SCAMP4: variants seen among roughly 807,000 people sequenced by gnomAD.
SCAMP4 encodes secretory carrier-associated membrane protein 4.
A neutral mutation model predicts 32.1 loss-of-function variants in SCAMP4; 19 were observed. That is an observed-to-expected ratio of 0.59 (90% CI 0.41 to 0.87). SCAMP4 has a LOEUF of 0.87. Among genes scored for constraint, SCAMP4 ranks in the 40% least tolerant of loss-of-function variants. The pLI is 0.00. For synonymous variants in SCAMP4, 152 were observed against 132.7 expected, an observed-to-expected ratio of 1.15 and a Z score of -1.00; for missense variants, 302 against 309.0, an observed-to-expected ratio of 0.98 and a Z score of 0.17.
chr19:1,912,516 G>A (rs1419426750), intron 1 of SCAMP4: 2 of 1,494,658 alleles, frequency 1.3e-6, no homozygotes, highest in African/African-American at 2.9e-5. Context: ...CCAGTTCGAG[G>A]AGGCCCGGGC....
chr19:1,918,078 G>A (rs377060107), intron 3 of SCAMP4, 49 bp from the exon 4 acceptor site: 69 of 1,572,934 alleles, frequency 4.4e-5, no homozygotes, highest in South Asian at 9.4e-5. Context: ...GCTTTCCCAC[G>A]GCCACACCCT....
intron 5 of SCAMP4, chr19:1,921,716 G>A (rs906148160): frequency 2.0e-6 from 2 of 985,066 alleles, no homozygotes; most frequent in Non-Finnish European, 2.4e-6. Flanking sequence ...GGTGGCTGAC[G>A]CCTGTAATCC....
Position 1,921,498 on chromosome 19 carries a change from A to G in SCAMP4, c.396-1572A>G, listed in dbSNP as rs972852170. The G allele has an allele frequency of 4.1e-6, 4 of 985,306 alleles. No individual in the cohort carries two copies. In the African/African-American group the frequency reaches 7.0e-5, roughly 17 times the overall value. The allele number at this position is 985,306 out of a possible 1,614,324, so 61.0% of individuals were successfully genotyped here. On this transcript the variant is annotated intron_variant, in intron 5 of 6. Coordinates refer to ENST00000316097, the MANE Select transcript of SCAMP4 (RefSeq NM_079834.4). Reference sequence around the variant, plus strand: ...GGAATCGGACATCAGCGGGCGCCGCAGCCTCTAAGCGGAGCATGCAGCCCA... The same window carrying G: ...GGAATCGGACATCAGCGGGCGCCGCGGCCTCTAAGCGGAGCATGCAGCCCA...
In SCAMP4 at chr19:1,905,459, G is replaced by A. The variant is rs1163814489; in HGVS notation, c.-42+20G>A. The A allele has an allele frequency of 4.4e-6, 2 of 457,620 alleles. No homozygotes were observed. The highest frequency in any genetic ancestry group is 9.1e-6 in the Non-Finnish European group (2 of 220,550). 28.3% of individuals were successfully genotyped at this position (457,620 alleles called of 1,614,324 possible). A position where few individuals can be genotyped will look rare whatever the true frequency, so the allele number is the denominator to read the frequency against. On this transcript the variant is annotated intron_variant, in intron 1 of 6. Coordinates refer to ENST00000316097, the MANE Select transcript of SCAMP4 (RefSeq NM_079834.4). Reference sequence around the variant, plus strand: ...CCTCAGGTAAGCGCGCGGCCCCGAGGTCTCGGGTTCTCCAGGCTCAGACTT... The same window carrying A: ...CCTCAGGTAAGCGCGCGGCCCCGAGATCTCGGGTTCTCCAGGCTCAGACTT...
intron 5 of SCAMP4, chr19:1,921,437 A>T: frequency 6.1e-6 from 6 of 985,364 alleles, no homozygotes; most frequent in Non-Finnish European, 7.2e-6. Context: ...GGTACTGAGG[A>T]CACGGTGCAG....
Position 1,924,449 on chromosome 19 carries a change from C to A in SCAMP4, c.*165C>A, listed in dbSNP as rs1599260237. 1.6e-6 allele frequency: 1 copy of A among 622,322 alleles called. No individual in the cohort carries two copies. The highest frequency in any genetic ancestry group is 1.8e-5 in the African/African-American group (1 of 54,554). 38.6% of individuals were successfully genotyped at this position (622,322 alleles called of 1,614,324 possible). On this transcript the variant is annotated 3_prime_UTR_variant, in exon 7 of 7. Coordinates refer to ENST00000316097, the MANE Select transcript of SCAMP4 (RefSeq NM_079834.4). ...CCCCCTCCTGCCAGGGCCACAGAACCCGTGTTCATCTCATCCGAGAGCGGA... is the reference window on the plus strand; with the variant it reads ...CCCCCTCCTGCCAGGGCCACAGAACACGTGTTCATCTCATCCGAGAGCGGA...
chr19:1,913,172 G>C (rs1405580135), intron 1 of SCAMP4: 1 of 1,501,258 alleles, frequency 6.7e-7, no homozygotes, highest in African/African-American at 1.4e-5. Context: ...CCTGCCTCCG[G>C]ACCCTTCCCG....
intron 2 of SCAMP4, 108 bp downstream of exon 2, chr19:1,915,134 GC>G: frequency 7.5e-7 from 1 of 1,330,330 alleles, no homozygotes; most frequent in Non-Finnish European, 1.1e-6. Context: ...TGTCCTCCTG[GC>G]CCACCTGGCC....
Position 1,919,240 on chromosome 19 carries a change from C to T in SCAMP4, c.395+250C>T, listed in dbSNP as rs1039292622. 4.3e-4 allele frequency: 579 copies of T among 1,353,822 alleles called. 1 individual carries two copies. The highest frequency in any genetic ancestry group is 1.2e-3 in the South Asian group (78 of 62,770). 83.9% of individuals were successfully genotyped at this position (1,353,822 alleles called of 1,614,324 possible). ...GGGGTCCGAGCTCGCCCTGGCAGTGCCTGCGTCCTCGCCAGCGCCCAGCCA... is the reference window on the plus strand; with the variant it reads ...GGGGTCCGAGCTCGCCCTGGCAGTGTCTGCGTCCTCGCCAGCGCCCAGCCA... On this transcript the variant is annotated intron_variant, in intron 5 of 6. Coordinates refer to ENST00000316097, the MANE Select transcript of SCAMP4 (RefSeq NM_079834.4).
In SCAMP4 at chr19:1,920,692, C is replaced by G. The variant is rs548696867; in HGVS notation, c.395+1702C>G. On this transcript the variant is annotated intron_variant, in intron 5 of 6. Transcript: ENST00000316097. Reference sequence around the variant, plus strand: ...AGGCACTGCTCGTCATCCTCCGAGTCCTCCTGAGCTCCCAGCTGCCAGCTC... The same window carrying G: ...AGGCACTGCTCGTCATCCTCCGAGTGCTCCTGAGCTCCCAGCTGCCAGCTC... The G allele has an allele frequency of 1.4e-4, 134 of 985,508 alleles. No individual in the cohort carries two copies. In the South Asian group the frequency reaches 5.9e-3, roughly 43 times the overall value. 61.0% of individuals were successfully genotyped at this position (985,508 alleles called of 1,614,324 possible). A position where few individuals can be genotyped will look rare whatever the true frequency, so the allele number is the denominator to read the frequency against.
At chr19:1,921,231 G>T in intron 5 of SCAMP4, 2 of 985,240 alleles carry the variant, frequency 2.0e-6, no homozygotes, top group Non-Finnish European at 2.4e-6. Flanking sequence ...GTGCACTGCT[G>T]TGGGGCAAGA....
rs375164826 is a variant in SCAMP4, at chr19:1,920,784, C to T, written c.395+1794C>T. ...AGCCGCCTCCCCGGTGCGTCCCCAG[C>T]TCTCCCAGGCTGAGCTGGGTGGACA... On this transcript the variant is annotated intron_variant, in intron 5 of 6. Transcript: ENST00000316097. 4.1e-6 allele frequency: 4 copies of T among 985,426 alleles called. No homozygotes were observed. In the African/African-American group the frequency reaches 5.2e-5, roughly 13 times the overall value. The allele number at this position is 985,426 out of a possible 1,614,324, so 61.0% of individuals were successfully genotyped here.
intron 1 of SCAMP4, among the ~76,000 whole-genome samples, chr19:1,910,796 C>G (rs1014738807): frequency 6.6e-5 from 10 of 151,032 alleles, no homozygotes; most frequent in African/African-American, 2.4e-4. Flanking sequence ...AGGCTGGTCT[C>G]GATCTCGTGG....
chr19:1,905,477 T>C (rs1293905351), intron 1 of SCAMP4, 38 bp downstream of exon 1: 6 of 447,414 alleles, frequency 1.3e-5, no homozygotes, highest in South Asian at 6.5e-5. Flanking sequence ...TTCTCCAGGC[T>C]CAGACTTCCC....
chr19:1,920,262 G>T, intron 5 of SCAMP4: 11 of 985,438 alleles, frequency 1.1e-5, no homozygotes, highest in Non-Finnish European at 1.3e-5. Flanking sequence ...TCACGGAGCC[G>T]TGGGTGCCTT....
At chr19:1,917,673 G>C in intron 2 of SCAMP4, 21 bp from the exon 3 acceptor site, 1 of 1,613,642 alleles carries the variant, frequency 6.2e-7, no homozygotes, top group African/African-American at 1.3e-5. Flanking sequence ...GGTTCTGTCC[G>C]TGGGTTCTCT....
At chr19:1,921,014 A>G in intron 5 of SCAMP4, 2 of 985,420 alleles carry the variant, frequency 2.0e-6, no homozygotes, top group Non-Finnish European at 2.4e-6. Context: ...CAGAAGGTGA[A>G]CGCTCTTGAG....
chr19:1,915,219 G>A (rs913999450), intron 2 of SCAMP4, among the ~76,000 whole-genome samples, 193 bp downstream of exon 2: 17 of 152,310 alleles, frequency 1.1e-4, no homozygotes, highest in Admixed American at 4.6e-4. Flanking sequence ...CAGCAGAGCC[G>A]CCTGTGTATC....
chr19:1,920,239 C>T (rs768536796), intron 5 of SCAMP4: 19 of 985,338 alleles, frequency 1.9e-5, no homozygotes, highest in Non-Finnish European at 2.2e-5. Flanking sequence ...GAGCTCCCCA[C>T]GGGTGACGCT....
Sources: gnomAD v4.1 joint callset for allele counts (sites outside exome capture counted in the v4.1 genomes callset) on GRCh38, gnomAD v4.1.1 for gene constraint, MANE v1.5 for transcripts, NCBI Gene and HGNC (gene_info 2026-07-23, HGNC 2026-07-21) for gene names.